FANCI: variants seen among roughly 807,000 people sequenced by gnomAD.
FANCI encodes the protein FA complementation group I.
FANCI carries 156 observed loss-of-function variants against 176.1 expected under a neutral mutation model. The ratio of observed to expected loss-of-function variants is 0.89; its 90% CI spans 0.78 to 1.01. The LOEUF (loss-of-function observed/expected upper bound fraction) is 1.01, where lower values mean the gene tolerates loss of function less well. Ranked by LOEUF, FANCI falls within the 50% of genes least tolerant of loss-of-function variation. The pLI is 0.00. For missense variants in FANCI, 1,678 were observed against 1,534.1 expected (o/e 1.09, Z -1.57); for synonymous variants, 613 against 541.7 (o/e 1.13, Z -1.83).
intron 18 of FANCI, among the ~76,000 whole-genome samples, chr15:89,285,916 A>G (rs951974367): frequency 2.0e-5 from 3 of 152,062 alleles, no homozygotes; most frequent in African/African-American, 7.2e-5. Context: ...CTCTTTTTAC[A>G]ATTGTGTTAC....
At chr15:89,300,036 T>G (rs1039441881) in intron 25 of FANCI, 70 bp downstream of exon 25, 5 of 1,551,612 alleles carry the variant, frequency 3.2e-6, no homozygotes, top group Non-Finnish European at 4.4e-6. Context: ...TAATTCCATT[T>G]GTTAACCTAC....
Position 89,276,732 on chromosome 15 carries a change from T to C in FANCI, c.1134T>C (p.Val378=), listed in dbSNP as rs1201574474. The C allele has an allele frequency of 2.5e-6, 4 of 1,614,224 alleles. No homozygotes were observed. Among genetic ancestry groups the C allele is most frequent in the Non-Finnish European group, 3.4e-6 (4 of 1,180,038 alleles). The part of the protein sequence containing the change: ...VKNSVHSWDH[V]TQGLVELGFI... Reference sequence around the variant, plus strand: ...GTAGCGTTCATAGCTGGGACCATGTTACTCAGGGCCTCGTAGAACTTGGTT... The same window carrying C: ...GTAGCGTTCATAGCTGGGACCATGTCACTCAGGGCCTCGTAGAACTTGGTT... The change falls in exon 13 of 38, where the codon GTT becomes GTC. Residue 378 remains valine (V), a synonymous_variant. Coordinates refer to ENST00000310775, the MANE Select transcript of FANCI (RefSeq NM_001113378.2).
chr15:89,258,840 C>T (rs548543656), intron 3 of FANCI, 64 bp downstream of exon 3: 14 of 1,284,884 alleles, frequency 1.1e-5, no homozygotes, highest in African/African-American at 7.3e-5. Context: ...GTTTAGTTTT[C>T]GTACTTTTCT....
intron 24 of FANCI, 24 bp from the exon 25 acceptor site, chr15:89,299,776 C>G: frequency 6.2e-7 from 1 of 1,610,346 alleles, no homozygotes; most frequent in Non-Finnish European, 8.5e-7. Context: ...TCTTTAAAAA[C>G]AATACCACTT....
At chr15:89,259,097 C>T in intron 3 of FANCI, 2 of 336,668 alleles carry the variant, frequency 5.9e-6, no homozygotes, top group Admixed American at 4.3e-5. Flanking sequence ...ATACATAATC[C>T]ATGCTTAGCA....
Position 89,295,091 on chromosome 15 carries a change from C to G in FANCI, c.2633C>G (p.Thr878Ser), listed in dbSNP as rs2054202406. 2.6e-6 allele frequency: 4 copies of G among 1,551,332 alleles called. No individual in the cohort carries two copies. Among genetic ancestry groups the G allele is most frequent in the African/African-American group, 1.4e-5 (1 of 73,028 alleles). Reference protein sequence around the residue: ...EKIFQNLCDITRVLLWRYTSI... With the variant: ...EKIFQNLCDISRVLLWRYTSI... ...ATCTTTCAGAACCTCTGTGACATAA[C>G]TCGGTAAGCCACTCCCACCCCTTAG... The change falls in exon 24 of 38, where the codon ACT (threonine) becomes AGT (serine). Residue 878 changes from threonine to serine, a missense_variant. Coordinates refer to ENST00000310775, the MANE Select transcript of FANCI (RefSeq NM_001113378.2).
chr15:89,292,352 C>G (rs554705987), intron 20 of FANCI, among the ~76,000 whole-genome samples: 1 of 152,194 alleles, frequency 6.6e-6, no homozygotes, highest in Non-Finnish European at 1.5e-5. Flanking sequence ...ACATAAACCT[C>G]TATCTTTAGA....
chr15:89,300,192 TAA>T, intron 25 of FANCI, 106 bp from the exon 26 acceptor site: 1 of 1,191,488 alleles, frequency 8.4e-7, no homozygotes, highest in Non-Finnish European at 1.2e-6. Flanking sequence ...TTTAGAAATT[TAA>T]GTCTGCCTTT....
chr15:89,279,984 G>C (rs1243689285), intron 14 of FANCI, among the ~76,000 whole-genome samples: 2 of 152,072 alleles, frequency 1.3e-5, no homozygotes, highest in African/African-American at 4.8e-5. Context: ...TATGACTACA[G>C]AATCATCAAT....
Position 89,268,425 on chromosome 15 carries a change from C to G in FANCI, c.782C>G (p.Ser261Ter). 1 of 1,614,202 alleles carries G rather than the reference C, an allele frequency of 6.2e-7. No homozygotes were observed. Among genetic ancestry groups the G allele is most frequent in the Non-Finnish European group, 8.5e-7 (1 of 1,180,030 alleles). Residue 261 changes from serine to a stop codon, truncating the protein, a stop_gained, in exon 10 of 38, where the codon TCA becomes TGA. Transcript: ENST00000310775. LOFTEE classifies it high-confidence loss of function. The part of the protein sequence containing the change: ...DELLDVVTVP[S>*]GELRHVEGTI... ...CTATTGGATGTTGTCACTGTGCCAT[C>G]AGGTGAACTTCGTCATGTGGAAGGC... is the stretch of plus-strand genomic sequence containing the variant.
chr15:89,283,658 A>T (rs561508871), intron 17 of FANCI, among the ~76,000 whole-genome samples: 6 of 152,226 alleles, frequency 3.9e-5, no homozygotes, highest in Non-Finnish European at 8.8e-5. Flanking sequence ...TACAGAAAAC[A>T]TTAAAATTTG....
chr15:89,268,351 A>C (rs758627561), intron 9 of FANCI, 48 bp from the exon 10 acceptor site: 4 of 1,611,750 alleles, frequency 2.5e-6, no homozygotes, highest in Non-Finnish European at 2.5e-6. Context: ...CATTACAGGC[A>C]TGAGCCACTG....
In FANCI at chr15:89,281,298, C is replaced by A. The variant is rs554471987; in HGVS notation, c.1510C>A (p.Gln504Lys). The change falls in exon 15 of 38, where the codon CAG (glutamine) becomes AAG (lysine). Residue 504 changes from glutamine (Q) to lysine (K), a missense_variant and splice_region_variant. This residue lies in a region of FANCI where 1,204 missense variants were observed against 1,077.4 expected (regional missense o/e 1.12). Coordinates refer to ENST00000310775, the MANE Select transcript of FANCI (RefSeq NM_001113378.2). ...TGTACAAAGGCTGCTTAAGGCAGTGCAGGTAAGTCTTCAGATTCCCAAGTA... is the reference window on the plus strand; with the variant it reads ...TGTACAAAGGCTGCTTAAGGCAGTGAAGGTAAGTCTTCAGATTCCCAAGTA... ...QTVQRLLKAV[Q>K]PLLKVSMSMR... The A allele has an allele frequency of 3.7e-6, 6 of 1,613,516 alleles. No homozygotes were observed. The East Asian group carries it at 1.1e-4, about 30-fold the overall frequency.
intron 12 of FANCI, 74 bp downstream of exon 12, chr15:89,274,378 T>TG: frequency 6.4e-7 from 1 of 1,552,568 alleles, no homozygotes; most frequent in Non-Finnish European, 8.8e-7. Flanking sequence ...ATATCATACT[T>TG]GCAGCCTGTG....
At chr15:89,259,105 G>T (rs1376408368) in intron 3 of FANCI, 2 of 328,200 alleles carry the variant, frequency 6.1e-6, no homozygotes, top group African/African-American at 4.3e-5. Context: ...TCCATGCTTA[G>T]CAAGGGGCAA....
intron 24 of FANCI, among the ~76,000 whole-genome samples, chr15:89,296,167 GT>G (rs780012552): frequency 1.3e-5 from 2 of 151,990 alleles, no homozygotes; most frequent in African/African-American, 2.4e-5. Context: ...GTTTCACCAT[GT>G]TGGCCAGGCT....
intron 13 of FANCI, 83 bp from the exon 14 acceptor site, chr15:89,278,604 T>G (rs2053494030): frequency 1.0e-6 from 1 of 989,770 alleles, no homozygotes; most frequent in Non-Finnish European, 1.6e-6. Flanking sequence ...TCCAAACGGT[T>G]CTTCATGCTG....
At chr15:89,282,650 A>G in intron 16 of FANCI, 1 of 218,790 alleles carries the variant, frequency 4.6e-6, no homozygotes, top group South Asian at 7.7e-5. Context: ...ATAGACTGAG[A>G]TATTACGTTG....
At position 89,281,191 on chromosome 15, in the gene FANCI, T is replaced by C; in HGVS notation, c.1403T>C (p.Met468Thr). ...TCAGACCTGCTTTCAAATATCGTCA[T>C]GTATGCACCCTTAGTTCTTCAAAGT... ...HFLDLLSNIV[M>T]YAPLVLQSCS... The change falls in exon 15 of 38, where the codon ATG becomes ACG. Residue 468 changes from methionine (M) to threonine (T), a missense_variant. Met to Thr is a moderately conservative substitution (Grantham distance 81, BLOSUM62 -1). This residue lies in a region of FANCI where 1,204 missense variants were observed against 1,077.4 expected (regional missense o/e 1.12). Transcript: ENST00000310775. The C allele has an allele frequency of 6.2e-7, 1 of 1,613,806 alleles. No homozygotes were observed. Among genetic ancestry groups the C allele is most frequent in the Non-Finnish European group, 8.5e-7 (1 of 1,179,780 alleles).
Sources: gnomAD v4.1 joint callset for allele counts (sites outside exome capture counted in the v4.1 genomes callset) on GRCh38, gnomAD v4.1.1 for gene constraint, gnomAD v4.1.1 regional missense constraint, MANE v1.5 for transcripts, NCBI Gene and HGNC (gene_info 2026-07-23, HGNC 2026-07-21) for gene names.